The following RFPL1 variants were observed in gnomAD, a reference collection of about 807,000 sequenced individuals.
RFPL1 encodes the protein ret finger protein like 1, also known as ret finger protein-like 1.
In RFPL1, 6 loss-of-function variants were observed where a neutral mutation model predicts 9.6. The ratio of observed to expected loss-of-function variants is 0.62; its 90% CI spans 0.34 to 1.23. The LOEUF is 1.23. Ranked by LOEUF, RFPL1 falls within the 50% of genes most tolerant of loss-of-function variation. The probability of loss-of-function intolerance (pLI) is 0.03; values close to 1 mark genes in which losing one functional copy is unlikely to be tolerated. For synonymous variants in RFPL1, 145 were observed against 149.4 expected, an observed-to-expected ratio of 0.97 and a Z score of 0.22; for missense variants, 352 against 398.4, an observed-to-expected ratio of 0.88 and a Z score of 0.99.
At chr22:29,425,002 A>G in the RFPL1 span, among the ~76,000 whole-genome samples, 1 of 151,898 alleles carries the variant, frequency 6.6e-6, no homozygotes, top group Non-Finnish European at 1.5e-5. Context: ...CAGGAGATCG[A>G]GACCATCCTG....
the RFPL1 span, among the ~76,000 whole-genome samples, chr22:29,424,691 C>T: frequency 4.7e-5 from 7 of 149,556 alleles, no homozygotes; most frequent in South Asian, 2.1e-4. Context: ...TGAGGCTGGA[C>T]GCAGTGGTGC....
chr22:29,392,711 C>T, the RFPL1 span, among the ~76,000 whole-genome samples: 1 of 152,164 alleles, frequency 6.6e-6, no homozygotes, highest in South Asian at 2.1e-4. Flanking sequence ...AACTGCAGAA[C>T]AACAGTGAAT....
chr22:29,404,426 C>T, the RFPL1 span, among the ~76,000 whole-genome samples: 1 of 152,016 alleles, frequency 6.6e-6, no homozygotes, highest in Non-Finnish European at 1.5e-5. Context: ...TTTATTTGAT[C>T]CTCTCAATGT....
chr22:29,425,653 A>T, the RFPL1 span, among the ~76,000 whole-genome samples: 1 of 152,218 alleles, frequency 6.6e-6, no homozygotes, highest in Non-Finnish European at 1.5e-5. Context: ...GATGGGAAAC[A>T]TTCTTTTTTA....
the RFPL1 span, among the ~76,000 whole-genome samples, chr22:29,418,306 C>A: frequency 6.6e-6 from 1 of 151,506 alleles, no homozygotes; most frequent in Admixed American, 6.6e-5. Context: ...CAAGGTGCGG[C>A]AGCCGCTCTA....
the RFPL1 span, among the ~76,000 whole-genome samples, chr22:29,395,379 C>T: frequency 2.6e-5 from 4 of 152,094 alleles, no homozygotes; most frequent in East Asian, 7.7e-4. Flanking sequence ...TGGCTTTGTC[C>T]ATAGCCTCAG....
exon 2 of RFPL1, chr22:29,442,088 C>T (rs567994034): frequency 2.5e-6 from 4 of 1,592,728 alleles, no homozygotes; most frequent in Non-Finnish European, 2.6e-6. Flanking sequence ...CCGGGCACTA[C>T]TGATGCTCCA....
At chr22:29,412,158 C>G in the RFPL1 span, among the ~76,000 whole-genome samples, 1 of 152,266 alleles carries the variant, frequency 6.6e-6, no homozygotes, top group Non-Finnish European at 1.5e-5. Context: ...TTTTCTGACA[C>G]AGAGCAGACA....
the RFPL1 span, among the ~76,000 whole-genome samples, chr22:29,429,560 C>T: frequency 1.3e-5 from 2 of 152,040 alleles, no homozygotes; most frequent in African/African-American, 4.8e-5. Flanking sequence ...ATTGGGAAGA[C>T]TAGAGGAAAT....
At chr22:29,419,138 G>A in the RFPL1 span, 3 of 1,597,922 alleles carry the variant, frequency 1.9e-6, no homozygotes, top group Non-Finnish European at 2.6e-6. Context: ...GCTGCCACCA[G>A]GCCTACTCCT....
At chr22:29,425,006 C>CATCCT in the RFPL1 span, among the ~76,000 whole-genome samples, 5 of 151,792 alleles carry the variant, frequency 3.3e-5, no homozygotes, top group African/African-American at 1.2e-4. Context: ...AGATCGAGAC[C>CATCCT]ATCCTGGCTA....
chr22:29,414,037 ATTAAT>A, the RFPL1 span, among the ~76,000 whole-genome samples: 1 of 152,216 alleles, frequency 6.6e-6, no homozygotes, highest in African/African-American at 2.4e-5. Context: ...AGGAGGACTA[ATTAAT>A]TTAAATTATA....
the RFPL1 span, among the ~76,000 whole-genome samples, chr22:29,426,973 C>T: frequency 6.6e-6 from 1 of 152,204 alleles, no homozygotes; most frequent in East Asian, 1.9e-4. Context: ...GCTGCAGAGG[C>T]TCAGCCTTTA....
the RFPL1 span, among the ~76,000 whole-genome samples, chr22:29,395,521 T>C: frequency 6.6e-6 from 1 of 151,662 alleles, no homozygotes; most frequent in Non-Finnish European, 1.5e-5. Flanking sequence ...CCTCCAGCTC[T>C]CCTTGCTGCA....
chr22:29,424,656 T>A, the RFPL1 span, among the ~76,000 whole-genome samples: 48 of 121,776 alleles, frequency 3.9e-4, no homozygotes, highest in East Asian at 9.8e-4. Context: ...AAGGACAAAG[T>A]AAAAAAAAAA....
At chr22:29,404,018 G>T in the RFPL1 span, among the ~76,000 whole-genome samples, 1 of 151,920 alleles carries the variant, frequency 6.6e-6, no homozygotes, top group African/African-American at 2.4e-5. Flanking sequence ...TAACTGAAAT[G>T]TCTAGTAAGG....
chr22:29,419,537 G>T, the RFPL1 span, among the ~76,000 whole-genome samples: 1 of 152,106 alleles, frequency 6.6e-6, no homozygotes, highest in African/African-American at 2.4e-5. Flanking sequence ...GGGCACGGTG[G>T]CTCATGTCTG....
At chr22:29,394,043 C>G in the RFPL1 span, among the ~76,000 whole-genome samples, 2 of 152,174 alleles carry the variant, frequency 1.3e-5, no homozygotes, top group Non-Finnish European at 2.9e-5. Flanking sequence ...CTCCTGGCCT[C>G]AAGTGATCCT....
At chr22:29,403,003 T>C in the RFPL1 span, among the ~76,000 whole-genome samples, 4 of 142,588 alleles carry the variant, frequency 2.8e-5, no homozygotes, top group Admixed American at 1.4e-4. Flanking sequence ...GGAGGCTTTG[T>C]GGGTACTAGC....
Sources: gnomAD v4.1 joint callset for allele counts (sites outside exome capture counted in the v4.1 genomes callset) on GRCh38, gnomAD v4.1.1 for gene constraint, MANE v1.5 for transcripts, NCBI Gene and HGNC (gene_info 2026-07-23, HGNC 2026-07-21) for gene names.